The following SMYD3 variants were observed in gnomAD, a reference collection of about 807,000 sequenced individuals.
The protein encoded by SMYD3 is SET and MYND domain containing 3.
SMYD3 carries 36 observed loss-of-function variants against 57.7 expected under a neutral mutation model. That is an observed-to-expected ratio of 0.62 (90% CI 0.48 to 0.82). The LOEUF (loss-of-function observed/expected upper bound fraction) is 0.82. Among genes scored for constraint, SMYD3 ranks in the 40% least tolerant of loss-of-function variants. The probability of loss-of-function intolerance (pLI) is 0.00; values close to 1 mark genes in which losing one functional copy is unlikely to be tolerated. For missense variants in SMYD3, 515 were observed against 538.8 expected, an observed-to-expected ratio of 0.96 and a Z score of 0.44; for synonymous variants, 211 against 195.0, an observed-to-expected ratio of 1.08 and a Z score of -0.68.
chr1:245,812,120 A>G (rs907896879), intron 10 of SMYD3, among the ~76,000 whole-genome samples: 2 of 152,194 alleles, frequency 1.3e-5, no homozygotes, highest in Non-Finnish European at 2.9e-5. Flanking sequence ...ACGAGTCTGC[A>G]GGCCACATCA....
intron 5 of SMYD3, among the ~76,000 whole-genome samples, chr1:246,067,545 G>A (rs2060363376): frequency 6.6e-6 from 1 of 152,050 alleles, no homozygotes; most frequent in African/African-American, 2.4e-5. Context: ...AAATCTTCAG[G>A]TTGCTGTGCA....
chr1:246,012,560 G>A (rs1322492853), intron 5 of SMYD3, among the ~76,000 whole-genome samples: 4 of 152,208 alleles, frequency 2.6e-5, no homozygotes, highest in African/African-American at 7.2e-5. Context: ...TATCGACAGC[G>A]TGTGCATATG....
At chr1:246,426,022 G>A (rs890918238) in intron 1 of SMYD3, 3 of 151,342 alleles carry the variant, frequency 2.0e-5, no homozygotes, top group Non-Finnish European at 4.4e-5. Flanking sequence ...CTAGTCAAGC[G>A]CAGTAGTAAC....
chr1:246,017,392 C>T (rs1297368610), intron 5 of SMYD3, among the ~76,000 whole-genome samples: 1 of 152,162 alleles, frequency 6.6e-6, no homozygotes, highest in Non-Finnish European at 1.5e-5. Context: ...ATCATTCCAC[C>T]ATGATCCTTT....
intron 5 of SMYD3, among the ~76,000 whole-genome samples, chr1:245,999,022 C>T (rs957869414): frequency 2.0e-5 from 3 of 151,868 alleles, no homozygotes; most frequent in African/African-American, 7.3e-5. Flanking sequence ...TGTCGCTTCA[C>T]GGGGTAGGAA....
intron 11 of SMYD3, among the ~76,000 whole-genome samples, chr1:245,758,290 T>C (rs2045694814): frequency 6.6e-6 from 1 of 152,192 alleles, no homozygotes; most frequent in Non-Finnish European, 1.5e-5. Flanking sequence ...TTTTGGTGTG[T>C]GTGTGTAATC....
intron 1 of SMYD3, among the ~76,000 whole-genome samples, chr1:246,436,361 T>C (rs2067373404): frequency 6.6e-6 from 1 of 152,224 alleles, no homozygotes; most frequent in Non-Finnish European, 1.5e-5. Context: ...TTATAGACTA[T>C]CTCAGGCAGC....
intron 5 of SMYD3, among the ~76,000 whole-genome samples, chr1:246,318,812 T>C (rs562146248): frequency 6.6e-6 from 1 of 152,290 alleles, no homozygotes; most frequent in Admixed American, 6.5e-5. Flanking sequence ...CCAACACGGG[T>C]ATAAACAAAA....
intron 1 of SMYD3, among the ~76,000 whole-genome samples, chr1:246,423,253 C>T (rs887494358): frequency 6.7e-6 from 1 of 149,290 alleles, no homozygotes; most frequent in Non-Finnish European, 1.5e-5. Context: ...GCCGAGATCG[C>T]GCCACTGCAC....
Position 246,078,741 on chromosome 1 carries a change from C to T in SMYD3, c.532-148804G>A, listed in dbSNP as rs116741451. On this transcript the variant is annotated intron_variant, in intron 5 of 11. Transcript: ENST00000490107. The stretch of plus-strand genomic sequence containing the variant: ...GACTGGCAGTGTGGCTGAAGAAAAA[C>T]ACCTAGCTAAAAGAGAACAGGAAGC... 4.5e-3 allele frequency among the ~76,000 whole-genome samples: 691 copies of T among 152,218 alleles called. 4 individuals carry two copies. The highest frequency in any genetic ancestry group is 0.016 in the African/African-American group (656 of 41,534).
chr1:245,960,484 G>C (rs2057971044), intron 5 of SMYD3, among the ~76,000 whole-genome samples: 1 of 152,200 alleles, frequency 6.6e-6, no homozygotes, highest in Non-Finnish European at 1.5e-5. Flanking sequence ...GCTGGGCACA[G>C]TGGCTCACAC....
chr1:246,266,973 T>C (rs181573077), intron 5 of SMYD3, among the ~76,000 whole-genome samples: 1 of 152,370 alleles, frequency 6.6e-6, no homozygotes, highest in African/African-American at 2.4e-5. Flanking sequence ...TTCTCTTCCA[T>C]TAAATCTTAT....
At chr1:245,950,059 A>G (rs1445088940) in intron 5 of SMYD3, among the ~76,000 whole-genome samples, 7 of 152,220 alleles carry the variant, frequency 4.6e-5, no homozygotes, top group Admixed American at 4.6e-4. Flanking sequence ...CCAGGAGTGC[A>G]GACATCAATT....
At chr1:246,095,480 G>C (rs548766972) in intron 5 of SMYD3, among the ~76,000 whole-genome samples, 3 of 152,354 alleles carry the variant, frequency 2.0e-5, no homozygotes, top group African/African-American at 7.2e-5. Context: ...TGGGAGCACA[G>C]ATTAGGAAGA....
intron 5 of SMYD3, among the ~76,000 whole-genome samples, chr1:246,007,517 A>G (rs919177877): frequency 2.6e-5 from 4 of 152,092 alleles, no homozygotes; most frequent in Non-Finnish European, 4.4e-5. Context: ...ACTAAAGAAA[A>G]GGCAGAAGGA....
At chr1:245,952,014 A>G (rs1051622334) in intron 5 of SMYD3, among the ~76,000 whole-genome samples, 14 of 151,846 alleles carry the variant, frequency 9.2e-5, no homozygotes, top group African/African-American at 2.2e-4. Flanking sequence ...TCCAACTTTG[A>G]ATTCAAAGAC....
At position 246,076,976 on chromosome 1, in the gene SMYD3, T is replaced by C. The variant is rs373234835; in HGVS notation, c.532-147039A>G. 4.2e-4 allele frequency among the ~76,000 whole-genome samples: 64 copies of C among 152,194 alleles called. 1 individual carries two copies. The South Asian group carries it at 0.012, about 29-fold the overall frequency. On this transcript the variant is annotated intron_variant, in intron 5 of 11. Coordinates refer to ENST00000490107, the MANE Select transcript of SMYD3 (RefSeq NM_001167740.2). ...GAAAGGAGAGAGACAATCTTTTCAGTTGGAGAATCAGGAAAAGTTTGTCCT... is the reference window on the plus strand; with the variant it reads ...GAAAGGAGAGAGACAATCTTTTCAGCTGGAGAATCAGGAAAAGTTTGTCCT...
chr1:246,252,479 T>A (rs2063813404), intron 5 of SMYD3, among the ~76,000 whole-genome samples: 1 of 152,198 alleles, frequency 6.6e-6, no homozygotes, highest in Non-Finnish European at 1.5e-5. Flanking sequence ...CAGTAAGCAG[T>A]ATGAAGAAAC....
chr1:246,028,618 A>T (rs1356249262), intron 5 of SMYD3, among the ~76,000 whole-genome samples: 1 of 152,200 alleles, frequency 6.6e-6, no homozygotes, highest in Non-Finnish European at 1.5e-5. Flanking sequence ...ATGCTTATAA[A>T]TTGGAAGAAT....
Sources: allele counts gnomAD v4.1 joint callset (sites outside exome capture counted in the v4.1 genomes callset), GRCh38; gene constraint gnomAD v4.1.1; transcripts MANE v1.5; gene names NCBI Gene and HGNC (gene_info 2026-07-23, HGNC 2026-07-21).